The following ZNF292 variants were observed in gnomAD, a reference collection of about 807,000 sequenced individuals.
ZNF292 encodes the protein zinc finger protein 292.
Under a neutral mutation model 217.9 loss-of-function variants are expected in ZNF292, and 26 were observed. The observed-to-expected ratio is 0.12, with a 90% CI of 0.09 to 0.17. The LOEUF (loss-of-function observed/expected upper bound fraction) is 0.17, where lower values mean the gene tolerates loss of function less well. Ranked by LOEUF, ZNF292 falls within the 10% of genes least tolerant of loss-of-function variation. The probability of loss-of-function intolerance (pLI) is 1.00; values close to 1 mark genes in which losing one functional copy is unlikely to be tolerated. For synonymous variants in ZNF292, 1,257 were observed against 1,124.1 expected, an observed-to-expected ratio of 1.12 and a Z score of -2.37; for missense variants, 2,904 against 3,175.2, an observed-to-expected ratio of 0.91 and a Z score of 2.05.
intron 1 of ZNF292, among the ~76,000 whole-genome samples, chr6:87,185,737 G>A (rs1252580320): frequency 6.6e-6 from 1 of 152,160 alleles, no homozygotes; most frequent in Admixed American, 6.5e-5. Context: ...CCAAGGTGCT[G>A]GGATTATAGG....
chr6:87,189,158 T>C (rs1197578010), intron 1 of ZNF292, among the ~76,000 whole-genome samples: 1 of 152,010 alleles, frequency 6.6e-6, no homozygotes, highest in African/African-American at 2.4e-5. Context: ...TGAGTTGAGA[T>C]CGCACCACTG....
At chr6:87,204,508 T>A (rs1772185302) in intron 1 of ZNF292, among the ~76,000 whole-genome samples, 1 of 151,880 alleles carries the variant, frequency 6.6e-6, no homozygotes, top group Non-Finnish European at 1.5e-5. Context: ...CAAAAATTTT[T>A]TTTTAATTTA....
intron 3 of ZNF292, among the ~76,000 whole-genome samples, chr6:87,218,297 G>A (rs543940288): frequency 4.6e-5 from 7 of 152,152 alleles, no homozygotes; most frequent in East Asian, 1.9e-4. Flanking sequence ...TCTTTTATGC[G>A]TATGGATATT....
At position 87,254,787 on chromosome 6, in the gene ZNF292, A is replaced by G; in HGVS notation, c.1158A>G (p.Lys386=). 1 of 1,613,938 alleles carries G rather than the reference A, an allele frequency of 6.2e-7. No homozygotes were observed. Among genetic ancestry groups the G allele is most frequent in the Middle Eastern group, 1.7e-4 (1 of 6,060 alleles). ...TGTTGCCTGATGATCTGGAAGTTAA[A>G]CGTGCTTGTCAACTGAGTGAATTTC... The part of the protein sequence containing the change: ...SCLLPDDLEV[K]RACQLSEFLI... Residue 386 remains lysine (K), a synonymous_variant, in exon 8 of 8, where the codon AAA becomes AAG. Transcript: ENST00000369577.
At chr6:87,198,831 C>G (rs950249340) in intron 1 of ZNF292, among the ~76,000 whole-genome samples, 2 of 152,220 alleles carry the variant, frequency 1.3e-5, no homozygotes, top group Non-Finnish European at 2.9e-5. Flanking sequence ...GGGATAAAAG[C>G]TATCAAATAT....
At chr6:87,205,289 G>T (rs1772214887) in intron 1 of ZNF292, among the ~76,000 whole-genome samples, 1 of 151,982 alleles carries the variant, frequency 6.6e-6, no homozygotes, top group African/African-American at 2.4e-5. Context: ...GCTCTGGCTG[G>T]TCTCGAACCC....
intron 1 of ZNF292, among the ~76,000 whole-genome samples, chr6:87,208,842 A>AG (rs1489071464): frequency 6.6e-6 from 1 of 152,176 alleles, no homozygotes; most frequent in Admixed American, 6.5e-5. Flanking sequence ...AGACTCAGCT[A>AG]GGGACCTGGA....
chr6:87,198,083 G>A (rs1167364015), intron 1 of ZNF292, among the ~76,000 whole-genome samples: 1 of 152,084 alleles, frequency 6.6e-6, no homozygotes, highest in Non-Finnish European at 1.5e-5. Context: ...TGATAAGTTG[G>A]AGAGAAAATT....
At chr6:87,155,837 A>G (rs917322402) in intron 1 of ZNF292, 78 bp downstream of exon 1, 4 of 1,440,032 alleles carry the variant, frequency 2.8e-6, no homozygotes, top group Admixed American at 2.7e-5. Flanking sequence ...GGCGGCCGAG[A>G]GGTGGTCGCC....
At position 87,255,138 on chromosome 6, in the gene ZNF292, T is replaced by C; in HGVS notation, c.1509T>C (p.Ala503=). Residue 503 remains alanine, a synonymous_variant, in exon 8 of 8, where the codon GCT becomes GCC. Coordinates refer to ENST00000369577, the MANE Select transcript of ZNF292 (RefSeq NM_015021.3). ...SMNGLSGGVG[A]NSGLLKDIGD... ...ATGGGCTTTCTGGTGGAGTTGGTGC[T>C]AATTCTGGCCTTCTTAAAGACATTG... 1 of 1,613,768 alleles carries C rather than the reference T, an allele frequency of 6.2e-7. No homozygotes were observed. Among genetic ancestry groups the C allele is most frequent in the Non-Finnish European group, 8.5e-7 (1 of 1,179,838 alleles).
intron 5 of ZNF292, among the ~76,000 whole-genome samples, chr6:87,243,222 C>T (rs1021475514): frequency 1.3e-5 from 2 of 149,940 alleles, no homozygotes; most frequent in African/African-American, 2.5e-5. Flanking sequence ...GTTGGTTCTC[C>T]GGTGTTTCTT....
chr6:87,212,529 AC>A (rs2127798935), intron 1 of ZNF292, among the ~76,000 whole-genome samples: 1 of 152,308 alleles, frequency 6.6e-6, no homozygotes, highest in South Asian at 2.1e-4. Context: ...AAAGACACTT[AC>A]GTAGATTTCA....
At chr6:87,237,815 T>C (rs959874901) in intron 5 of ZNF292, among the ~76,000 whole-genome samples, 1 of 152,238 alleles carries the variant, frequency 6.6e-6, no homozygotes, top group Non-Finnish European at 1.5e-5. Context: ...AAATTTTTGC[T>C]CATTTGTCAG....
rs111917884 is a variant in ZNF292 at position 87,263,825 on chromosome 6, G to A, written c.*2024G>A. The A allele has an allele frequency of 4.0e-4, 61 of 152,134 alleles. No homozygotes were observed. Among genetic ancestry groups the A allele is most frequent in the African/African-American group, 1.3e-3 (55 of 41,532 alleles). 9.4% of individuals were successfully genotyped at this position (152,134 alleles called of 1,614,324 possible). A position where few individuals can be genotyped will look rare whatever the true frequency, so the allele number is the denominator to read the frequency against. On this transcript the variant is annotated 3_prime_UTR_variant, in exon 8 of 8. Coordinates refer to ENST00000369577, the MANE Select transcript of ZNF292 (RefSeq NM_015021.3). ...CCTAGCTCTTAAAGGTGGGCACTTG[G>A]CAAAACTGCCCTATATAGCACAGTA...
At chr6:87,251,347 G>A (rs1228348034) in intron 7 of ZNF292, among the ~76,000 whole-genome samples, 3 of 152,226 alleles carry the variant, frequency 2.0e-5, no homozygotes, top group African/African-American at 7.2e-5. Context: ...TGAATGGGAT[G>A]TTACATGGGA....
intron 1 of ZNF292, 121 bp from the exon 2 acceptor site, chr6:87,215,782 C>T: frequency 1.4e-6 from 1 of 696,504 alleles, no homozygotes. Flanking sequence ...ATATAAACTA[C>T]TTTTTGTTTT....
At position 87,264,181 on chromosome 6, in the gene ZNF292, T is replaced by G. The variant is rs528032546; in HGVS notation, c.*2380T>G. The stretch of plus-strand genomic sequence containing the variant: ...CTAAGTATTAAAAAATCATAAAATA[T>G]ATTTTTTTCATGGTATACTTTTCCC... On this transcript the variant is annotated 3_prime_UTR_variant, in exon 8 of 8. Transcript: ENST00000369577. The G allele has an allele frequency of 2.0e-5, 3 of 152,316 alleles. No homozygotes were observed. In the East Asian group the frequency reaches 5.8e-4, roughly 29 times the overall value. 9.4% of individuals were successfully genotyped at this position (152,316 alleles called of 1,614,324 possible).
intron 6 of ZNF292, among the ~76,000 whole-genome samples, chr6:87,244,746 ATAATAACC>A (rs776336464): frequency 3.3e-5 from 5 of 152,188 alleles, no homozygotes; most frequent in Non-Finnish European, 7.3e-5. Context: ...TCATCTAATA[ATAATAACC>A]TTATTGTCAA....
In ZNF292 at chr6:87,260,975, A is replaced by T. The variant is rs950343147; in HGVS notation, c.7346A>T (p.Lys2449Ile). ...CAAGAAGGTGCTAAGAATGATGTGA[A>T]AGATTCTGACACGTGTGTATCAGAG... ...SEQEGAKNDVKDSDTCVSESN... is the reference protein window; with the variant it reads ...SEQEGAKNDVIDSDTCVSESN... The change falls in exon 8 of 8, where the codon AAA (lysine) becomes ATA (isoleucine). Residue 2449 changes from lysine to isoleucine, a missense_variant. By Grantham distance (102) the Lys-to-Ile change is moderately radical (BLOSUM62 -3). This residue lies in a region of ZNF292 where 380 missense variants were observed against 355.3 expected (regional missense o/e 1.07). Coordinates refer to ENST00000369577, the MANE Select transcript of ZNF292 (RefSeq NM_015021.3). 3.1e-5 allele frequency: 50 copies of T among 1,609,360 alleles called. No homozygotes were observed. The highest frequency in any genetic ancestry group is 4.2e-5 in the Non-Finnish European group (50 of 1,177,568).
Sources: allele counts gnomAD v4.1 joint callset (sites outside exome capture counted in the v4.1 genomes callset), GRCh38; gene constraint gnomAD v4.1.1; regional missense constraint gnomAD v4.1.1; transcripts MANE v1.5; gene names NCBI Gene and HGNC (gene_info 2026-07-23, HGNC 2026-07-21).